The following NCOA3 variants were observed in gnomAD, a reference collection of about 807,000 sequenced individuals.
NCOA3 encodes CBP-interacting protein.
In NCOA3, 51 loss-of-function variants were observed where a neutral mutation model predicts 158.8. That is an observed-to-expected ratio of 0.32 (90% CI 0.26 to 0.41). NCOA3 has a LOEUF of 0.41. Among genes scored for constraint, NCOA3 ranks in the 10% least tolerant of loss-of-function variants. The probability of loss-of-function intolerance (pLI) is 1.00; values close to 1 mark genes in which losing one functional copy is unlikely to be tolerated. For missense variants in NCOA3, 1,510 were observed against 1,746.6 expected, an observed-to-expected ratio of 0.86 and a Z score of 2.41; for synonymous variants, 537 against 592.4, an observed-to-expected ratio of 0.91 and a Z score of 1.36.
At chr20:47,635,279 A>G (rs1392378933) in intron 10 of NCOA3, 43 bp from the exon 11 acceptor site, 2 of 1,517,464 alleles carry the variant, frequency 1.3e-6, no homozygotes, top group African/African-American at 1.4e-5. Flanking sequence ...GCTTTCATGC[A>G]TGCTTAGAAT....
chr20:47,523,747 G>A (rs2084382145), intron 1 of NCOA3, among the ~76,000 whole-genome samples: 1 of 152,224 alleles, frequency 6.6e-6, no homozygotes, highest in South Asian at 2.1e-4. Flanking sequence ...AGCGGACTCA[G>A]CGATAGTGAA....
intron 2 of NCOA3, among the ~76,000 whole-genome samples, chr20:47,612,281 A>G (rs2086057788): frequency 6.6e-6 from 1 of 152,250 alleles, no homozygotes. Flanking sequence ...AATTTGTAAA[A>G]AATAGAGTTA....
intron 3 of NCOA3, 67 bp downstream of exon 3, chr20:47,622,397 C>A: frequency 9.2e-7 from 1 of 1,089,116 alleles, no homozygotes; most frequent in Non-Finnish European, 1.3e-6. Context: ...AACATTTTAA[C>A]TTCTTGCCAT....
chr20:47,643,594 A>G (rs2086644106), intron 17 of NCOA3, among the ~76,000 whole-genome samples: 1 of 152,178 alleles, frequency 6.6e-6, no homozygotes, highest in Non-Finnish European at 1.5e-5. Flanking sequence ...AGAAATTAAT[A>G]ATTGTCACTA....
intron 1 of NCOA3, among the ~76,000 whole-genome samples, chr20:47,505,919 A>G (rs575247919): frequency 9.3e-4 from 138 of 148,862 alleles, no homozygotes; most frequent in Non-Finnish European, 1.5e-3. Context: ...CTCGTGCTTC[A>G]GCCCCTGCCC....
At chr20:47,502,520 C>T (rs974470818) in intron 1 of NCOA3, among the ~76,000 whole-genome samples, 1 of 152,068 alleles carries the variant, frequency 6.6e-6, no homozygotes, top group Non-Finnish European at 1.5e-5. Context: ...TGTGTTTCCT[C>T]CTCACTTGGG....
At chr20:47,535,002 C>T (rs1383547169) in intron 1 of NCOA3, among the ~76,000 whole-genome samples, 1 of 150,350 alleles carries the variant, frequency 6.7e-6, no homozygotes, top group African/African-American at 2.4e-5. Flanking sequence ...CAAGGTCTGG[C>T]TGTGTTGCCC....
Position 47,654,848 on chromosome 20 carries a change from C to CTGTGTGTGTGTGTGTA in NCOA3, c.*1447_*1462dup, listed in dbSNP as rs947094058. ...GTCCGAAATAATAGCAATTCATGGG[C>CTGTGTGTGTGTGTGTA]TGTGTGTGTGTGTGTATGTGTGTGT... On this transcript the variant is annotated 3_prime_UTR_variant, in exon 23 of 23. Transcript: ENST00000371998. The CTGTGTGTGTGTGTGTA allele has an allele frequency of 1.4e-5, 2 of 146,638 alleles. No individual in the cohort carries two copies. The highest frequency in any genetic ancestry group is 5.2e-5 in the African/African-American group (2 of 38,420). The allele number at this position is 146,638 out of a possible 1,614,324, so 9.1% of individuals were successfully genotyped here. A position where few individuals can be genotyped will look rare whatever the true frequency, so the allele number is the denominator to read the frequency against.
chr20:47,634,920 CTTTTTTTTTT>C (rs66801245), intron 10 of NCOA3, among the ~76,000 whole-genome samples: 3 of 120,114 alleles, frequency 2.5e-5, no homozygotes, highest in South Asian at 5.7e-4. Flanking sequence ...TTCTCTTCTT[CTTTTTTTTTT>C]TTTTTTTTTT....
chr20:47,555,632 GTTTTT>G (rs74178745), intron 1 of NCOA3, among the ~76,000 whole-genome samples: 35 of 64,184 alleles, frequency 5.5e-4, no homozygotes, highest in African/African-American at 1.9e-3. Flanking sequence ...CTATTAAAGT[GTTTTT>G]TTTTTTTTTT....
chr20:47,589,083 G>T (rs1055720228), intron 2 of NCOA3, among the ~76,000 whole-genome samples: 1 of 151,902 alleles, frequency 6.6e-6, no homozygotes, highest in African/African-American at 2.4e-5. Flanking sequence ...AGTAGAGACA[G>T]GTTTTCACCA....
intron 2 of NCOA3, among the ~76,000 whole-genome samples, chr20:47,612,331 G>C (rs949829019): frequency 6.6e-6 from 1 of 152,164 alleles, no homozygotes; most frequent in African/African-American, 2.4e-5. Context: ...TACAAGGTAG[G>C]AAGCAGAGAC....
rs986993833 is a variant in NCOA3 at position 47,514,554 on chromosome 20, AT to A, written c.-99+12545del. On this transcript the variant is annotated intron_variant, in intron 1 of 22. Coordinates refer to ENST00000371998, the MANE Select transcript of NCOA3 (RefSeq NM_181659.3). ...AGGCATGTGCCATCATTCCCACCTA[AT>A]TTTTTTTTTGTATTTTTGGTAGAGA... Among the ~76,000 whole-genome samples the A allele has an allele frequency of 1.4e-4, 21 of 148,014 alleles. No individual in the cohort carries two copies. The South Asian group carries it at 1.7e-3, about 12-fold the overall frequency.
intron 1 of NCOA3, among the ~76,000 whole-genome samples, chr20:47,516,919 TA>T (rs3092586): frequency 0.079 from 9,999 of 126,170 alleles, 374 homozygotes; most frequent in Middle Eastern, 0.12. Context: ...GACCCTGTCT[TA>T]AAAAAAAAAA....
At chr20:47,605,717 A>G (rs1205770286) in intron 2 of NCOA3, among the ~76,000 whole-genome samples, 1 of 151,916 alleles carries the variant, frequency 6.6e-6, no homozygotes, top group Non-Finnish European at 1.5e-5. Flanking sequence ...ATTGCTTTAT[A>G]TTTCCCCTCT....
At chr20:47,527,426 T>G (rs2146098830) in intron 1 of NCOA3, among the ~76,000 whole-genome samples, 1 of 152,332 alleles carries the variant, frequency 6.6e-6, no homozygotes, top group East Asian at 1.9e-4. Context: ...TTTTGCTTAG[T>G]CTAATTCCCT....
intron 1 of NCOA3, among the ~76,000 whole-genome samples, chr20:47,566,872 T>G (rs139374891): frequency 1.3e-3 from 205 of 151,884 alleles, no homozygotes; most frequent in Middle Eastern, 0.01. Context: ...TAGTCCTGAG[T>G]ACTTGGGAGA....
intron 2 of NCOA3, among the ~76,000 whole-genome samples, chr20:47,609,629 C>T (rs1055017802): frequency 2.0e-5 from 3 of 151,214 alleles, no homozygotes; most frequent in Non-Finnish European, 4.4e-5. Context: ...CTCAGGAGGC[C>T]GAGGCAGGGG....
At chr20:47,520,061 CAAAAAAAAAAAAAA>C (rs35406814) in intron 1 of NCOA3, among the ~76,000 whole-genome samples, 8 of 32,886 alleles carry the variant, frequency 2.4e-4, no homozygotes, top group East Asian at 1.7e-3. Flanking sequence ...TGTGCCTGGC[CAAAAAAAAAAAAAA>C]AAAAAAAAAA....
Sources: allele counts gnomAD v4.1 joint callset (sites outside exome capture counted in the v4.1 genomes callset), GRCh38; gene constraint gnomAD v4.1.1; transcripts MANE v1.5; gene names NCBI Gene and HGNC (gene_info 2026-07-23, HGNC 2026-07-21).